LRP1B: variants seen among roughly 807,000 people sequenced by gnomAD.
The protein encoded by LRP1B is LDL receptor related protein 1B.
A neutral mutation model predicts 556.6 loss-of-function variants in LRP1B; 217 were observed. That is an observed-to-expected ratio of 0.39 (90% CI 0.35 to 0.44). The LOEUF (loss-of-function observed/expected upper bound fraction) is 0.44, where lower values mean the gene tolerates loss of function less well. Among genes scored for constraint, LRP1B ranks in the 20% least tolerant of loss-of-function variants. LRP1B has a pLI of 1.00. For missense variants in LRP1B, 5,053 were observed against 5,620.8 expected (o/e 0.90, Z 3.23); for synonymous variants, 2,047 against 1,865.8 (o/e 1.10, Z -2.50).
intron 49 of LRP1B, among the ~76,000 whole-genome samples, chr2:140,520,927 A>C (rs1113353): frequency 0.21 from 32,068 of 151,124 alleles, 4,125 homozygotes; most frequent in East Asian, 0.5. Flanking sequence ...AAGCCTTAAC[A>C]ATAGATTAGA....
chr2:141,670,356 ACT>A (rs1170790248), intron 2 of LRP1B, among the ~76,000 whole-genome samples: 14 of 152,330 alleles, frequency 9.2e-5, no homozygotes, highest in Admixed American at 2.6e-4. Context: ...TCACATATTA[ACT>A]GTGTATAAAA....
At chr2:141,924,747 C>G (rs1472169222) in intron 1 of LRP1B, among the ~76,000 whole-genome samples, 1 of 152,186 alleles carries the variant, frequency 6.6e-6, no homozygotes, top group Admixed American at 6.5e-5. Context: ...GATCAGGGAA[C>G]TCTCCCATTT....
chr2:141,677,490 A>C (rs1690928956), intron 2 of LRP1B, among the ~76,000 whole-genome samples: 1 of 152,096 alleles, frequency 6.6e-6, no homozygotes, highest in Admixed American at 6.6e-5. Context: ...TTTTATATGT[A>C]TATATATATT....
chr2:142,013,020 G>A (rs1703003339), intron 1 of LRP1B, among the ~76,000 whole-genome samples: 1 of 152,164 alleles, frequency 6.6e-6, no homozygotes, highest in Non-Finnish European at 1.5e-5. Flanking sequence ...AAAGCACTGA[G>A]ATTTAAATGG....
intron 2 of LRP1B, among the ~76,000 whole-genome samples, chr2:141,687,422 TTAA>T (rs1691353484): frequency 6.6e-6 from 1 of 152,044 alleles, no homozygotes; most frequent in African/African-American, 2.4e-5. Flanking sequence ...TTATAATAAA[TTAA>T]TTAGCTACAT....
chr2:141,053,822 GTATATA>G lies in LRP1B; in HGVS notation c.1552+1288_1552+1293del, dbSNP rs1230354372. 2.8e-4 allele frequency among the ~76,000 whole-genome samples: 19 copies of G among 68,978 alleles called. 1 individual carries two copies. The highest frequency in any genetic ancestry group is 1.8e-3 in the Admixed American group (10 of 5,708). The allele number at this position is 68,978 out of a possible 152,430, so 45.3% of individuals were successfully genotyped here. On this transcript the variant is annotated intron_variant, in intron 10 of 90. Coordinates refer to ENST00000389484, the MANE Select transcript of LRP1B (RefSeq NM_018557.3). Reference sequence around the variant, plus strand: ...TGTATGTATGCACATATGCATGTGTGTATATATGTGTGTGTGTGTGTGTGTGATTAT... The same window carrying G: ...TGTATGTATGCACATATGCATGTGTGTGTGTGTGTGTGTGTGTGTGATTAT...
At chr2:142,031,330 A>ATTTTTTTTTTTTTTTTTTTTTTTT (rs560363480) in intron 1 of LRP1B, among the ~76,000 whole-genome samples, 2 of 117,048 alleles carry the variant, frequency 1.7e-5, no homozygotes, top group African/African-American at 2.9e-5. Context: ...GATTATACTT[A>ATTTTTTTTTTTTTTTTTTTTTTTT]TTTTTTTTTT....
At chr2:140,866,161 G>A (rs1692944659) in intron 27 of LRP1B, among the ~76,000 whole-genome samples, 1 of 152,002 alleles carries the variant, frequency 6.6e-6, no homozygotes, top group African/African-American at 2.4e-5. Context: ...CAATCTGAGG[G>A]ACAAAAATAC....
chr2:140,746,517 A>G (rs1291254587), intron 35 of LRP1B, among the ~76,000 whole-genome samples: 1 of 152,180 alleles, frequency 6.6e-6, no homozygotes, highest in African/African-American at 2.4e-5. Flanking sequence ...AGTTTGACTC[A>G]TAGTTGGAAA....
At chr2:141,576,408 A>G (rs545562302) in intron 2 of LRP1B, among the ~76,000 whole-genome samples, 2 of 152,284 alleles carry the variant, frequency 1.3e-5, no homozygotes, top group South Asian at 4.1e-4. Flanking sequence ...TTGAGAACAC[A>G]TGGACACAGA....
At chr2:141,268,554 G>T (rs1684973973) in intron 3 of LRP1B, among the ~76,000 whole-genome samples, 2 of 152,056 alleles carry the variant, frequency 1.3e-5, no homozygotes, top group Non-Finnish European at 2.9e-5. Flanking sequence ...GGCTCTTGGA[G>T]AAAGGCCAAG....
At chr2:140,307,082 G>A (rs1402427629) in intron 83 of LRP1B, among the ~76,000 whole-genome samples, 1 of 151,790 alleles carries the variant, frequency 6.6e-6, no homozygotes, top group Non-Finnish European at 1.5e-5. Flanking sequence ...CAGTAAAAAT[G>A]GCTGAATATA....
intron 2 of LRP1B, among the ~76,000 whole-genome samples, chr2:141,727,793 C>T (rs1385222002): frequency 6.6e-6 from 1 of 151,904 alleles, no homozygotes; most frequent in Non-Finnish European, 1.5e-5. Flanking sequence ...TATATAAAAT[C>T]TATCTATATA....
chr2:141,933,954 C>T (rs1700569386), intron 1 of LRP1B, among the ~76,000 whole-genome samples: 4 of 151,514 alleles, frequency 2.6e-5, no homozygotes, highest in Admixed American at 2.6e-4. Flanking sequence ...TAAGGGCCCA[C>T]AAAAATAAGA....
intron 37 of LRP1B, among the ~76,000 whole-genome samples, chr2:140,713,068 T>C (rs926975883): frequency 6.6e-6 from 1 of 152,080 alleles, no homozygotes; most frequent in Non-Finnish European, 1.5e-5. Context: ...TCGCAGCTTA[T>C]TACAGAGCCT....
chr2:141,358,986 T>G (rs1688723317), intron 3 of LRP1B, among the ~76,000 whole-genome samples: 1 of 152,112 alleles, frequency 6.6e-6, no homozygotes, highest in South Asian at 2.1e-4. Flanking sequence ...GATTCAATTA[T>G]TTATTAATTG....
At chr2:141,030,481 G>C (rs1303330656) in intron 11 of LRP1B, among the ~76,000 whole-genome samples, 1 of 152,012 alleles carries the variant, frequency 6.6e-6, no homozygotes, top group South Asian at 2.1e-4. Context: ...AAATATCAAG[G>C]TAATTTGTTT....
intron 25 of LRP1B, among the ~76,000 whole-genome samples, chr2:140,874,961 TG>T (rs780494622): frequency 8.6e-5 from 13 of 151,074 alleles, no homozygotes; most frequent in Non-Finnish European, 1.6e-4. Context: ...GAGGTTGCAG[TG>T]AGCTGAGATC....
intron 1 of LRP1B, among the ~76,000 whole-genome samples, chr2:141,882,178 G>T (rs1698979300): frequency 6.6e-6 from 1 of 152,110 alleles, no homozygotes; most frequent in African/African-American, 2.4e-5. Context: ...TGATATAGAG[G>T]TGGGTGAGAA....
Sources: allele counts gnomAD v4.1 joint callset (sites outside exome capture counted in the v4.1 genomes callset), GRCh38; gene constraint gnomAD v4.1.1; transcripts MANE v1.5; gene names NCBI Gene and HGNC (gene_info 2026-07-23, HGNC 2026-07-21).